EFCAB13: variants seen among roughly 807,000 people sequenced by gnomAD.
The protein encoded by EFCAB13 is EF-hand calcium-binding domain-containing protein 13.
In EFCAB13, 91 loss-of-function variants were observed where a neutral mutation model predicts 110.2. The ratio of observed to expected loss-of-function variants is 0.83; its 90% confidence interval spans 0.70 to 0.98. The LOEUF is 0.98. Ranked by LOEUF, EFCAB13 falls within the 50% of genes least tolerant of loss-of-function variation. EFCAB13 has a pLI of 0.00. For missense variants in EFCAB13, 968 were observed against 1,119.4 expected (o/e 0.86, Z 1.93); for synonymous variants, 323 against 369.9 (o/e 0.87, Z 1.45).
At chr17:47,426,966 A>G (rs1420121637) in intron 23 of EFCAB13, among the ~76,000 whole-genome samples, 3 of 152,154 alleles carry the variant, frequency 2.0e-5, no homozygotes, top group African/African-American at 7.2e-5. Context: ...ACCTTATTAT[A>G]TAATGTGGAT....
intron 11 of EFCAB13, among the ~76,000 whole-genome samples, chr17:47,370,950 G>A (rs2065580076): frequency 6.6e-6 from 1 of 151,508 alleles, no homozygotes. Context: ...ATGTTGGTCA[G>A]GCTGGTCTTG....
chr17:47,428,130 T>C (rs1905023811), intron 23 of EFCAB13, among the ~76,000 whole-genome samples: 1 of 145,412 alleles, frequency 6.9e-6, no homozygotes, highest in Admixed American at 6.9e-5. Flanking sequence ...ACATTGACTA[T>C]GATTTTTGAA....
At chr17:47,435,265 C>A (rs1378533960) in intron 24 of EFCAB13, among the ~76,000 whole-genome samples, 1 of 151,948 alleles carries the variant, frequency 6.6e-6, no homozygotes. Flanking sequence ...AAATGGCCAA[C>A]AAACATATGA....
At chr17:47,371,829 G>C (rs1272083855) in intron 11 of EFCAB13, among the ~76,000 whole-genome samples, 1 of 152,122 alleles carries the variant, frequency 6.6e-6, no homozygotes, top group Non-Finnish European at 1.5e-5. Flanking sequence ...GGTCAGGCTG[G>C]TCTTGAACTT....
At chr17:47,379,314 A>C (rs1448833965) in intron 14 of EFCAB13, 61 bp downstream of exon 14, 3 of 1,319,394 alleles carry the variant, frequency 2.3e-6, no homozygotes, top group Non-Finnish European at 3.3e-6. Context: ...GAGAAGAATT[A>C]GGTTCAACAG....
chr17:47,434,960 C>T (rs1290878560), intron 24 of EFCAB13, among the ~76,000 whole-genome samples: 1 of 152,086 alleles, frequency 6.6e-6, no homozygotes, highest in African/African-American at 2.4e-5. Context: ...TAGAAAAACT[C>T]TTCTAGACAT....
At chr17:47,368,089 G>A (rs989238565) in intron 10 of EFCAB13, among the ~76,000 whole-genome samples, 9 of 152,168 alleles carry the variant, frequency 5.9e-5, no homozygotes, top group African/African-American at 2.2e-4. Flanking sequence ...ATCAGTGGCA[G>A]AACAGCAGAA....
chr17:47,353,896 G>T (rs1190855189), intron 9 of EFCAB13, among the ~76,000 whole-genome samples: 1 of 151,740 alleles, frequency 6.6e-6, no homozygotes, highest in Non-Finnish European at 1.5e-5. Flanking sequence ...TCTGATCTTG[G>T]TTATTTCTTT....
At position 47,344,295 on chromosome 17, in the gene EFCAB13, AT is replaced by A. The variant is rs1433931212; in HGVS notation, c.434+6del. On this transcript the variant is annotated splice_donor_region_variant and intron_variant, in intron 7 of 24. Transcript: ENST00000331493. ...TGTACATCTTCTGCAATTACTCGGT[AT>A]TTAAATCCTTGTACTCTATTTTTTA... 6.2e-7 allele frequency: 1 copy of A among 1,611,418 alleles called. No homozygotes were observed. Among genetic ancestry groups the A allele is most frequent in the South Asian group, 1.1e-5 (1 of 90,698 alleles).
At chr17:47,363,897 G>C (rs2065530899) in intron 10 of EFCAB13, among the ~76,000 whole-genome samples, 1 of 152,124 alleles carries the variant, frequency 6.6e-6, no homozygotes, top group Non-Finnish European at 1.5e-5. Context: ...GGTGAGGCAT[G>C]AGTGGAAGGA....
chr17:47,352,183 C>T (rs112709771), intron 9 of EFCAB13, among the ~76,000 whole-genome samples: 5,831 of 151,682 alleles, frequency 0.038, 198 homozygotes, highest in East Asian at 0.18. Flanking sequence ...ATTACAGGCG[C>T]GAGCCACCAC....
At chr17:47,386,018 A>T (rs1301571250) in intron 14 of EFCAB13, among the ~76,000 whole-genome samples, 1 of 152,180 alleles carries the variant, frequency 6.6e-6, no homozygotes, top group African/African-American at 2.4e-5. Context: ...CCAGAGGGGC[A>T]CCAGGCTGAT....
At chr17:47,418,158 T>C (rs1904515566) in intron 23 of EFCAB13, among the ~76,000 whole-genome samples, 1 of 152,242 alleles carries the variant, frequency 6.6e-6, no homozygotes, top group Non-Finnish European at 1.5e-5. Flanking sequence ...AGCAGGAGTT[T>C]ATCTTTTCCC....
intron 10 of EFCAB13, among the ~76,000 whole-genome samples, chr17:47,370,099 A>T (rs1188970439): frequency 6.6e-6 from 1 of 152,202 alleles, no homozygotes; most frequent in Non-Finnish European, 1.5e-5. Flanking sequence ...GGAGTTCACA[A>T]TCTAGAAATG....
chr17:47,355,346 C>T (rs549465050), intron 9 of EFCAB13, among the ~76,000 whole-genome samples: 1 of 152,160 alleles, frequency 6.6e-6, no homozygotes, highest in African/African-American at 2.4e-5. Context: ...AACCTGATGA[C>T]TATGTGCCAA....
intron 13 of EFCAB13, among the ~76,000 whole-genome samples, chr17:47,378,710 G>A (rs1411731535): frequency 6.6e-6 from 1 of 152,116 alleles, no homozygotes; most frequent in African/African-American, 2.4e-5. Context: ...TGGACCACAT[G>A]GATACTAGGG....
chr17:47,340,450 C>T (rs2065377490), intron 5 of EFCAB13, among the ~76,000 whole-genome samples: 1 of 152,102 alleles, frequency 6.6e-6, no homozygotes, highest in South Asian at 2.1e-4. Flanking sequence ...ATTATAATCA[C>T]ACCTGTGAAT....
intron 2 of EFCAB13, among the ~76,000 whole-genome samples, chr17:47,325,449 C>T (rs571815374): frequency 1.3e-5 from 2 of 152,278 alleles, no homozygotes; most frequent in East Asian, 1.9e-4. Flanking sequence ...TAATCCTTCT[C>T]CTCAGAACTC....
intron 23 of EFCAB13, 120 bp from the exon 24 acceptor site, chr17:47,429,698 C>T: frequency 7.9e-7 from 1 of 1,268,928 alleles, no homozygotes; most frequent in East Asian, 2.5e-5. Context: ...CAAATAGTTC[C>T]ATGTACAATT....
Sources: gnomAD v4.1 joint callset for allele counts (sites outside exome capture counted in the v4.1 genomes callset) on GRCh38, gnomAD v4.1.1 for gene constraint, MANE v1.5 for transcripts, NCBI Gene and HGNC (gene_info 2026-07-23, HGNC 2026-07-21) for gene names.